Variants in KDM1B observed in about 807,000 individuals in gnomAD.
KDM1B encodes the protein lysine demethylase 1B, also known as lysine-specific histone demethylase 2.
KDM1B carries 63 observed loss-of-function variants against 107.4 expected under a neutral mutation model. That is an observed-to-expected ratio of 0.59 (90% CI 0.48 to 0.72). KDM1B has a LOEUF of 0.72. KDM1B is among the 30% of genes least tolerant of loss of function. The pLI is 0.00. For missense variants in KDM1B, 749 were observed against 1,020.8 expected, an observed-to-expected ratio of 0.73 and a Z score of 3.63; for synonymous variants, 363 against 363.9, an observed-to-expected ratio of 1.00 and a Z score of 0.03.
chr6:18,167,957 C>G (rs12661019), intron 6 of KDM1B, among the ~76,000 whole-genome samples: 50,140 of 151,858 alleles, frequency 0.33, 8,484 homozygotes, highest in East Asian at 0.52. Context: ...AGACAGGACT[C>G]GATATCTTGC....
intron 4 of KDM1B, 106 bp downstream of exon 4, chr6:18,161,560 T>A: frequency 8.5e-7 from 1 of 1,179,890 alleles, no homozygotes; most frequent in Non-Finnish European, 1.2e-6. Flanking sequence ...ACAGATACTA[T>A]AAGTCATCTA....
chr6:18,215,278 T>G, intron 20 of KDM1B, 149 bp downstream of exon 20: 1 of 884,490 alleles, frequency 1.1e-6, no homozygotes, highest in Non-Finnish European at 1.7e-6. Flanking sequence ...ACTGCCCACC[T>G]CAGCACTGAG....
chr6:18,208,585 A>C (rs1002640337), intron 17 of KDM1B, among the ~76,000 whole-genome samples: 2 of 117,390 alleles, frequency 1.7e-5, no homozygotes, highest in Non-Finnish European at 3.4e-5. Flanking sequence ...GTATAGGGTT[A>C]AATAGAAGTA....
Position 18,205,512 on chromosome 6 carries a change from C to G in KDM1B, c.1532-25C>G. The G allele has an allele frequency of 6.5e-7, 1 of 1,536,722 alleles. No individual in the cohort carries two copies. Among genetic ancestry groups the G allele is most frequent in the Non-Finnish European group, 8.8e-7 (1 of 1,140,740 alleles). On this transcript the variant is annotated intron_variant, in intron 14 of 21. Transcript: ENST00000650836. This position sits in a 1 kb window ranked among gnomAD's most constrained non-coding sequence, Gnocchi z 5.7. ...AGAATCTTGTTAAAGCTATTTTTTT[C>G]TGCTTTGATCCATTCCCATTACAGA...
At chr6:18,219,928 C>CT (rs1177018064) in intron 21 of KDM1B, among the ~76,000 whole-genome samples, 1 of 152,188 alleles carries the variant, frequency 6.6e-6, no homozygotes, top group Non-Finnish European at 1.5e-5. Context: ...GCCCTGATCT[C>CT]TAAGTCACAT....
chr6:18,192,581 C>G (rs1176078966), intron 10 of KDM1B, among the ~76,000 whole-genome samples: 1 of 151,964 alleles, frequency 6.6e-6, no homozygotes, highest in Non-Finnish European at 1.5e-5. Flanking sequence ...CTCAGTAAAC[C>G]AAACTGAACA....
rs1788208663 is a variant in KDM1B at position 18,203,951 on chromosome 6, A to G, written c.1532-1586A>G. ...TCTCCCCGCCGCCTCCACAAAACCA[A>G]CAGGAATGTAGAAACTGCACAGCAG... On this transcript the variant is annotated intron_variant, in intron 14 of 21. Coordinates refer to ENST00000650836, the MANE Select transcript of KDM1B (RefSeq NM_001364614.2). The surrounding 1 kb of genome is among the most constrained non-coding windows in gnomAD (Gnocchi z 5.5). Among the ~76,000 whole-genome samples, 1 of 152,130 alleles carries G rather than the reference A, an allele frequency of 6.6e-6. No individual in the cohort carries two copies. Among genetic ancestry groups the G allele is most frequent in the Non-Finnish European group, 1.5e-5 (1 of 68,020 alleles).
At chr6:18,167,943 A>T (rs943107893) in intron 6 of KDM1B, among the ~76,000 whole-genome samples, 2 of 151,572 alleles carry the variant, frequency 1.3e-5, no homozygotes, top group East Asian at 3.9e-4. Flanking sequence ...TTAATTCTTT[A>T]TAGAGACAGG....
intron 17 of KDM1B, among the ~76,000 whole-genome samples, chr6:18,210,359 TTTTTTTTTTTTTTG>T (rs1788764366): frequency 3.3e-5 from 3 of 90,590 alleles, no homozygotes; most frequent in Non-Finnish European, 6.1e-5. Context: ...TTTTTTTTTT[TTTTTTTTTTTTTTG>T]TTTTACAGGG....
At chr6:18,177,642 C>T (rs757579959) in intron 7 of KDM1B, among the ~76,000 whole-genome samples, 34 of 151,946 alleles carry the variant, frequency 2.2e-4, no homozygotes, top group Non-Finnish European at 4.4e-4. Flanking sequence ...CTCTTGGCCT[C>T]AAGTGATCCT....
Position 18,201,686 on chromosome 6 carries a change from C to G in KDM1B, c.1531+29C>G, listed in dbSNP as rs1472976324. ...TGGGGAGAACGGTGTTCTGATTGTT[C>G]CATCTCAGTTTCGTTGTTACCTAAG... On this transcript the variant is annotated intron_variant, in intron 14 of 21. Transcript: ENST00000650836. The surrounding 1 kb of genome is among the most constrained non-coding windows in gnomAD (Gnocchi z 4.3). 49 of 1,511,536 alleles carry G rather than the reference C, an allele frequency of 3.2e-5. No individual in the cohort carries two copies. The highest frequency in any genetic ancestry group is 4.3e-5 in the Non-Finnish European group (48 of 1,127,702). 93.6% of individuals were successfully genotyped at this position (1,511,536 alleles called of 1,614,324 possible).
Position 18,214,909 on chromosome 6 carries a change from C to T in KDM1B, c.2110-98C>T. 1.6e-6 allele frequency: 2 copies of T among 1,278,336 alleles called. No homozygotes were observed. The highest frequency in any genetic ancestry group is 2.1e-6 in the Non-Finnish European group (2 of 934,084). 79.2% of individuals were successfully genotyped at this position (1,278,336 alleles called of 1,614,324 possible). A position where few individuals can be genotyped will look rare whatever the true frequency, so the allele number is the denominator to read the frequency against. On this transcript the variant is annotated intron_variant, in intron 19 of 21. Coordinates refer to ENST00000650836, the MANE Select transcript of KDM1B (RefSeq NM_001364614.2). This position sits in a 1 kb window ranked among gnomAD's most constrained non-coding sequence, Gnocchi z 4.4. ...TGGGTGACAGAGCAAAACTCTGTCT[C>T]ATTTAAAACAAAACAAAACAAAAAA...
chr6:18,193,194 TAAAAAA>T (rs541938365), intron 10 of KDM1B, among the ~76,000 whole-genome samples: 3 of 60,078 alleles, frequency 5.0e-5, no homozygotes, highest in Non-Finnish European at 6.7e-5. Flanking sequence ...AAACTCTGTC[TAAAAAA>T]AAAAAAAAAA....
At chr6:18,208,603 G>GTGTGTGTATATATATA (rs1359166965) in intron 17 of KDM1B, among the ~76,000 whole-genome samples, 42 of 34,918 alleles carry the variant, frequency 1.2e-3, no homozygotes, top group South Asian at 2.8e-3. Flanking sequence ...GTATGTGTAT[G>GTGTGTGTATATATATA]TATATATATA....
At chr6:18,171,530 A>G in intron 7 of KDM1B, 51 bp downstream of exon 7, 5 of 933,944 alleles carry the variant, frequency 5.4e-6, no homozygotes, top group Non-Finnish European at 8.9e-6. Context: ...TGTAGTCAGT[A>G]AATAGTAATG....
intron 7 of KDM1B, among the ~76,000 whole-genome samples, chr6:18,184,273 C>CTTCTTTTTTTTTTTTTTTTTTTTTTTTT (rs1554144142): frequency 8.6e-6 from 1 of 116,672 alleles, no homozygotes. Flanking sequence ...GTTCTAGCTT[C>CTTCTTTTTTTTTTTTTTTTTTTTTTTTT]TTTTTTTTTT....
intron 6 of KDM1B, among the ~76,000 whole-genome samples, chr6:18,170,070 A>G (rs947726255): frequency 6.6e-6 from 1 of 151,504 alleles, no homozygotes; most frequent in Non-Finnish European, 1.5e-5. Flanking sequence ...CCCCACGCCC[A>G]GCTAATTTTT....
chr6:18,187,484 T>G (rs1193935088), intron 8 of KDM1B, among the ~76,000 whole-genome samples: 2 of 152,156 alleles, frequency 1.3e-5, no homozygotes, highest in African/African-American at 4.8e-5. Context: ...TGCGATCTAG[T>G]AAATGGGCAC....
rs1364094630 is a variant in KDM1B, at chr6:18,205,135, G to A, written c.1532-402G>A. 6.6e-6 allele frequency among the ~76,000 whole-genome samples: 1 copy of A among 152,102 alleles called. No individual in the cohort carries two copies. Among genetic ancestry groups the A allele is most frequent in the Non-Finnish European group, 1.5e-5 (1 of 68,024 alleles). On this transcript the variant is annotated intron_variant, in intron 14 of 21. Transcript: ENST00000650836. The surrounding 1 kb of genome is among the most constrained non-coding windows in gnomAD (Gnocchi z 5.7). ...TGTAAGCATTGACTTTAAGGTGATG[G>A]CAGCAGGACCAGAAAGAGAATGGTA...
Sources: gnomAD v4.1 joint callset for allele counts (sites outside exome capture counted in the v4.1 genomes callset) on GRCh38, gnomAD v4.1.1 for gene constraint, Gnocchi (gnomAD v3.1) non-coding constraint, MANE v1.5 for transcripts, NCBI Gene and HGNC (gene_info 2026-07-23, HGNC 2026-07-21) for gene names.